Variants in SERPINA12 observed in about 807,000 individuals in gnomAD.
SERPINA12 encodes serpin family A member 12.
SERPINA12 carries 21 observed loss-of-function variants against 25.9 expected under a neutral mutation model. The ratio of observed to expected loss-of-function variants is 0.81; its 90% confidence interval spans 0.58 to 1.17. SERPINA12 has a LOEUF of 1.17. Among genes scored for constraint, SERPINA12 ranks in the 50% most tolerant of loss-of-function variants. The pLI, the probability that SERPINA12 is intolerant of heterozygous loss-of-function variation, is 0.00. For missense variants in SERPINA12, 562 were observed against 508.3 expected, an observed-to-expected ratio of 1.11 and a Z score of -1.02; for synonymous variants, 220 against 196.0, an observed-to-expected ratio of 1.12 and a Z score of -1.02.
At chr14:94,490,407 G>T (rs1595684424) in intron 3 of SERPINA12, among the ~76,000 whole-genome samples, 1 of 152,066 alleles carries the variant, frequency 6.6e-6, no homozygotes, top group East Asian at 2.0e-4. Flanking sequence ...CCCGGAGCCT[G>T]GGGCCCAGGC....
upstream of SERPINA12, among the ~76,000 whole-genome samples, chr14:94,510,654 A>G (rs1901085918): frequency 6.6e-6 from 1 of 152,188 alleles, no homozygotes; most frequent in African/African-American, 2.4e-5. Flanking sequence ...AGACACATGC[A>G]CACACATGTT....
In SERPINA12 at chr14:94,498,405, G is replaced by A; in HGVS notation, c.-8C>T. 6.2e-7 allele frequency: 1 copy of A among 1,611,456 alleles called. No homozygotes were observed. Among genetic ancestry groups the A allele is most frequent in the African/African-American group, 1.3e-5 (1 of 74,778 alleles). ...GCCTAGTGTGGGGTTCATTTTCCTT[G>A]AAGAATATCCTGTTGAGTAGTAGAC... is the stretch of plus-strand genomic sequence containing the variant. On this transcript the variant is annotated 5_prime_UTR_variant, in exon 2 of 5. Transcript: ENST00000677451.
upstream of SERPINA12, chr14:94,511,691 C>A (rs1745838615): frequency 1.0e-6 from 1 of 985,426 alleles, no homozygotes; most frequent in Non-Finnish European, 1.2e-6. Context: ...TTTCCTGCTT[C>A]CTTCCAAAGA....
chr14:94,513,225 A>C (rs1901153334), upstream of SERPINA12, among the ~76,000 whole-genome samples: 1 of 152,256 alleles, frequency 6.6e-6, no homozygotes, highest in African/African-American at 2.4e-5. Flanking sequence ...CTGAGTTGCC[A>C]CGGCTTGTTT....
chr14:94,510,388 C>T (rs1901077864), upstream of SERPINA12: 1 of 375,104 alleles, frequency 2.7e-6, no homozygotes, highest in Non-Finnish European at 3.7e-6. Context: ...TAAATGAAAA[C>T]CACAATGAGA....
intron 1 of SERPINA12, among the ~76,000 whole-genome samples, chr14:94,505,559 G>T (rs76913380): frequency 0.012 from 1,853 of 152,292 alleles, 56 homozygotes; most frequent in African/African-American, 0.042. Context: ...AGTACAGGTG[G>T]TCCTATTGTG....
At chr14:94,498,590 T>G (rs577981871) in intron 1 of SERPINA12, among the ~76,000 whole-genome samples, 160 bp from the exon 2 acceptor site, 70 of 152,332 alleles carry the variant, frequency 4.6e-4, no homozygotes, top group African/African-American at 1.7e-3. Flanking sequence ...ATAATCACCC[T>G]GGGGACTAGA....
intron 1 of SERPINA12, chr14:94,501,121 C>T (rs1900701914): frequency 1.0e-6 from 1 of 985,198 alleles, no homozygotes; most frequent in South Asian, 4.7e-5. Flanking sequence ...CCCAAGAATG[C>T]TTCAGATAAA....
intron 4 of SERPINA12, 52 bp downstream of exon 4, chr14:94,489,568 G>T (rs1276577577): frequency 3.1e-6 from 5 of 1,588,318 alleles, no homozygotes; most frequent in African/African-American, 2.7e-5. Flanking sequence ...GGCCCCGGCT[G>T]GGGGAAGGCC....
chr14:94,491,957 G>A (rs762519001), intron 3 of SERPINA12, among the ~76,000 whole-genome samples: 1 of 152,170 alleles, frequency 6.6e-6, no homozygotes, highest in East Asian at 1.9e-4. Flanking sequence ...TCAGGGGTAA[G>A]TATAGACAGA....
At chr14:94,516,538 C>T (rs544942042) in intron 1 of SERPINA12, among the ~76,000 whole-genome samples, 128 of 152,234 alleles carry the variant, frequency 8.4e-4, no homozygotes, top group African/African-American at 2.9e-3. Context: ...AGGGGGGCAG[C>T]GCCTAGCACC....
intron 3 of SERPINA12, among the ~76,000 whole-genome samples, chr14:94,493,630 C>T (rs1321586623): frequency 2.0e-5 from 3 of 152,116 alleles, no homozygotes; most frequent in African/African-American, 7.2e-5. Context: ...CCACTGAGAG[C>T]AGCCTACACT....
chr14:94,513,900 C>G (rs918755699), upstream of SERPINA12, among the ~76,000 whole-genome samples: 2 of 152,170 alleles, frequency 1.3e-5, no homozygotes, highest in East Asian at 1.9e-4. Flanking sequence ...AATGCTTTCC[C>G]TCCTTGGATG....
chr14:94,498,709 C>A (rs1347827249), intron 1 of SERPINA12, among the ~76,000 whole-genome samples: 3 of 152,180 alleles, frequency 2.0e-5, no homozygotes, highest in African/African-American at 7.2e-5. Flanking sequence ...AACAGCTCTC[C>A]TTCCCTCCAT....
chr14:94,498,336 A>G lies in SERPINA12; in HGVS notation c.62T>C (p.Leu21Pro), dbSNP rs1595692949. 3.7e-6 allele frequency: 6 copies of G among 1,614,186 alleles called. No individual in the cohort carries two copies. The East Asian group carries it at 1.3e-4, about 36-fold the overall frequency. ...ATTCCTTGGTGAGAAGCTCGGCTTT[A>G]GAAGACCTTTCACCGTGAGGAGAAC... is the stretch of plus-strand genomic sequence containing the variant. Reference protein sequence around the residue: ...LAVLLTVKGLLKPSFSPRNYK... With the variant: ...LAVLLTVKGLPKPSFSPRNYK... Residue 21 changes from leucine to proline, a missense_variant, in exon 2 of 5, where the codon CTA (leucine) becomes CCA (proline). Physicochemically the swap from Leu to Pro is moderately conservative, Grantham distance 98 (BLOSUM62 -3). Coordinates refer to ENST00000677451, the MANE Select transcript of SERPINA12 (RefSeq NM_001382267.1).
chr14:94,513,493 C>T (rs149177324), upstream of SERPINA12, among the ~76,000 whole-genome samples: 64 of 152,272 alleles, frequency 4.2e-4, no homozygotes, highest in East Asian at 8.9e-3. Flanking sequence ...GTTTCCCAGC[C>T]GTGCAACCCT....
chr14:94,512,547 A>G (rs1003314554), upstream of SERPINA12, among the ~76,000 whole-genome samples: 2 of 152,188 alleles, frequency 1.3e-5, no homozygotes, highest in African/African-American at 2.4e-5. Flanking sequence ...GATGACAGGG[A>G]GCTGATTCTG....
intron 1 of SERPINA12, among the ~76,000 whole-genome samples, chr14:94,502,083 T>C (rs934139363): frequency 1.4e-5 from 2 of 146,008 alleles, no homozygotes; most frequent in South Asian, 4.4e-4. Flanking sequence ...TGACTCAAAA[T>C]AAATAAAGAG....
chr14:94,499,590 T>C (rs571411285), intron 1 of SERPINA12, among the ~76,000 whole-genome samples: 33 of 152,368 alleles, frequency 2.2e-4, no homozygotes, highest in Non-Finnish European at 4.4e-4. Flanking sequence ...GTAATTTATA[T>C]CTTACATGTC....
Sources: allele counts gnomAD v4.1 joint callset (sites outside exome capture counted in the v4.1 genomes callset), GRCh38; gene constraint gnomAD v4.1.1; transcripts MANE v1.5; gene names NCBI Gene and HGNC (gene_info 2026-07-23, HGNC 2026-07-21).